MATN2: variants seen among roughly 807,000 people sequenced by gnomAD.
MATN2 encodes matrilin-2.
MATN2 carries 69 observed loss-of-function variants against 103.2 expected under a neutral mutation model. The observed-to-expected ratio is 0.67, with a 90% CI of 0.55 to 0.82. The LOEUF is 0.82. Ranked by LOEUF, MATN2 falls within the 40% of genes least tolerant of loss-of-function variation. MATN2 has a pLI of 0.00. For synonymous variants in MATN2, 429 were observed against 450.2 expected (o/e 0.95, Z 0.60); for missense variants, 1,023 against 1,211.5 (o/e 0.84, Z 2.31).
chr8:97,905,975 G>A (rs1166443794), intron 2 of MATN2, among the ~76,000 whole-genome samples: 4 of 152,128 alleles, frequency 2.6e-5, no homozygotes, highest in Non-Finnish European at 5.9e-5. Flanking sequence ...TTGAGCTATT[G>A]TGAATAAGGC....
intron 2 of MATN2, among the ~76,000 whole-genome samples, chr8:97,928,388 G>A (rs567148806): frequency 6.6e-6 from 1 of 152,124 alleles, no homozygotes; most frequent in African/African-American, 2.4e-5. Flanking sequence ...CACCATGCCT[G>A]ACTAATTTTT....
At chr8:97,932,554 TTC>T (rs945640657) in intron 3 of MATN2, among the ~76,000 whole-genome samples, 24 of 152,170 alleles carry the variant, frequency 1.6e-4, no homozygotes, top group African/African-American at 5.8e-4. Context: ...TTCACAGGGC[TTC>T]TCTCTCCCTT....
At chr8:97,958,117 T>A (rs572234171) in intron 4 of MATN2, among the ~76,000 whole-genome samples, 1 of 152,372 alleles carries the variant, frequency 6.6e-6, no homozygotes, top group South Asian at 2.1e-4. Context: ...GGTTCTTTTG[T>A]AACAGGTTGA....
At chr8:97,910,598 A>G (rs1461468679) in intron 2 of MATN2, among the ~76,000 whole-genome samples, 2 of 152,346 alleles carry the variant, frequency 1.3e-5, no homozygotes, top group Non-Finnish European at 2.9e-5. Context: ...AGAGCACCCT[A>G]CAGTTTTAGC....
intron 5 of MATN2, among the ~76,000 whole-genome samples, chr8:97,972,338 CAAA>C (rs3076713): frequency 1.2e-3 from 146 of 126,854 alleles, no homozygotes; most frequent in Middle Eastern, 3.8e-3. Context: ...GACCCTGTCT[CAAA>C]AAAAAAAAAA....
At position 97,976,577 on chromosome 8, in the gene MATN2, T is replaced by C. The variant is rs1005716006; in HGVS notation, c.959-2309T>C. Among the ~76,000 whole-genome samples the C allele has an allele frequency of 1.1e-4, 17 of 152,346 alleles. 1 individual carries two copies. Among genetic ancestry groups the C allele is most frequent in the African/African-American group, 3.4e-4 (14 of 41,586 alleles). On this transcript the variant is annotated intron_variant, in intron 5 of 18. Coordinates refer to ENST00000254898, the MANE Select transcript of MATN2 (RefSeq NM_002380.5). ...TTAAAATTTTACATATGTATTACTTTTGTAGATTCTATTTCCTTGTTATTA... is the reference window on the plus strand; with the variant it reads ...TTAAAATTTTACATATGTATTACTTCTGTAGATTCTATTTCCTTGTTATTA...
At chr8:98,003,882 G>C (rs1203413887) in intron 8 of MATN2, 99 bp downstream of exon 8, 2 of 1,377,962 alleles carry the variant, frequency 1.5e-6, no homozygotes, top group African/African-American at 1.4e-5. Flanking sequence ...AGCCCACCGG[G>C]TTTCCTGATG....
intron 3 of MATN2, among the ~76,000 whole-genome samples, chr8:97,937,567 TC>T (rs955116269): frequency 2.8e-5 from 4 of 142,178 alleles, no homozygotes; most frequent in African/African-American, 1.1e-4. Context: ...TTCTTTTAAT[TC>T]CCCCTCCCCA....
intron 18 of MATN2, chr8:98,033,871 A>G: frequency 1.8e-6 from 1 of 547,718 alleles, no homozygotes; most frequent in South Asian, 2.3e-5. Context: ...TCAAGCACTT[A>G]GTTGCCATCG....
intron 6 of MATN2, among the ~76,000 whole-genome samples, chr8:97,994,273 AG>A: frequency 6.6e-6 from 1 of 151,320 alleles, no homozygotes; most frequent in Non-Finnish European, 1.5e-5. Flanking sequence ...AAGAAGGAGA[AG>A]AAGGAAAGAA....
intron 1 of MATN2, among the ~76,000 whole-genome samples, chr8:97,875,699 T>G (rs539141962): frequency 1.5e-5 from 2 of 132,298 alleles, no homozygotes; most frequent in Admixed American, 1.5e-4. Context: ...TGTTTTTTTT[T>G]TTTTTTTTTT....
At position 97,874,624 on chromosome 8, in the gene MATN2, C is replaced by T. The variant is rs192925220; in HGVS notation, c.-27+5337C>T. Among the ~76,000 whole-genome samples the T allele has an allele frequency of 7.6e-3, 1,154 of 151,814 alleles. 8 individuals are homozygous for T. The highest frequency in any genetic ancestry group is 0.014 in the Middle Eastern group (4 of 290). On this transcript the variant is annotated intron_variant, in intron 1 of 18. Transcript: ENST00000254898. Reference sequence around the variant, plus strand: ...AGAGACAGGGTCTCTCTATCTTGCCCGGCTGATCTTCGACTCCTGGGCTCA... The same window carrying T: ...AGAGACAGGGTCTCTCTATCTTGCCTGGCTGATCTTCGACTCCTGGGCTCA...
intron 14 of MATN2, among the ~76,000 whole-genome samples, chr8:98,028,255 C>G (rs764973030): frequency 6.6e-6 from 1 of 152,212 alleles, no homozygotes; most frequent in Non-Finnish European, 1.5e-5. Context: ...TTAACCAATA[C>G]TTCAAGCGAG....
intron 2 of MATN2, among the ~76,000 whole-genome samples, chr8:97,920,362 C>T (rs13248439): frequency 0.32 from 47,921 of 152,012 alleles, 8,318 homozygotes; most frequent in East Asian, 0.69. Flanking sequence ...GGCACGCCAC[C>T]ATGCCTGGCT....
chr8:97,893,596 AT>A (rs56096204), intron 2 of MATN2, among the ~76,000 whole-genome samples: 1,420 of 59,962 alleles, frequency 0.024, 17 homozygotes, highest in African/African-American at 0.046. Context: ...TTATTTATTT[AT>A]GATAGAGTCT....
At chr8:98,016,423 G>A in intron 10 of MATN2, 117 bp from the exon 11 acceptor site, 2 of 896,286 alleles carry the variant, frequency 2.2e-6, no homozygotes, top group Non-Finnish European at 3.5e-6. Context: ...AATGTGTACT[G>A]TAGGATAAGG....
chr8:97,981,450 C>T (rs1182566558), intron 6 of MATN2, among the ~76,000 whole-genome samples: 2 of 152,096 alleles, frequency 1.3e-5, no homozygotes, highest in Non-Finnish European at 2.9e-5. Context: ...GCATATACCA[C>T]GTGCCTGGGC....
intron 2 of MATN2, among the ~76,000 whole-genome samples, chr8:97,891,100 T>C (rs1818611487): frequency 6.6e-6 from 1 of 152,030 alleles, no homozygotes; most frequent in South Asian, 2.1e-4. Flanking sequence ...CAGATGCCGG[T>C]TGGGGGTGTG....
chr8:97,875,786 C>T (rs2072593830), intron 1 of MATN2, among the ~76,000 whole-genome samples: 1 of 144,578 alleles, frequency 6.9e-6, no homozygotes, highest in South Asian at 2.3e-4. Context: ...AGCTCCACCT[C>T]CCAGGTTCAC....
Sources: allele counts gnomAD v4.1 joint callset (sites outside exome capture counted in the v4.1 genomes callset), GRCh38; gene constraint gnomAD v4.1.1; transcripts MANE v1.5; gene names NCBI Gene and HGNC (gene_info 2026-07-23, HGNC 2026-07-21).